The following NDUFAF2 variants were observed in gnomAD, a reference collection of about 807,000 sequenced individuals.
NDUFAF2 encodes NADH dehydrogenase [ubiquinone] 1 alpha subcomplex assembly factor 2.
Under a neutral mutation model 22.8 loss-of-function variants are expected in NDUFAF2, and 13 were observed. The ratio of observed to expected loss-of-function variants is 0.57; its 90% CI spans 0.37 to 0.91. The LOEUF (loss-of-function observed/expected upper bound fraction) is 0.91, where lower values mean the gene tolerates loss of function less well. NDUFAF2 is among the 40% of genes least tolerant of loss of function. NDUFAF2 has a pLI of 0.01. For missense variants in NDUFAF2, 162 were observed against 195.2 expected, an observed-to-expected ratio of 0.83 and a Z score of 1.01; for synonymous variants, 53 against 64.2, an observed-to-expected ratio of 0.83 and a Z score of 0.84.
rs1751931304 is a variant in NDUFAF2 at position 61,045,066 on chromosome 5, G to GTAATAAAATAAAATAAAA, written c.128-28058_128-28057insAATAAAATAAAATAAAAT. Reference sequence around the variant, plus strand: ...TAACATTTTAATAAAGTAAAATAAAGTTTTATTAAAATTTAATAAAATAAA... The same window carrying GTAATAAAATAAAATAAAA: ...TAACATTTTAATAAAGTAAAATAAAGTAATAAAATAAAATAAAATTTTATTAAAATTTAATAAAATAAA... On this transcript the variant is annotated intron_variant, in intron 1 of 3. Transcript: ENST00000296597. Among the ~76,000 whole-genome samples the GTAATAAAATAAAATAAAA allele has an allele frequency of 2.3e-5, 3 of 130,710 alleles. 1 individual carries two copies. The South Asian group carries it at 7.6e-4, about 33-fold the overall frequency. The allele number at this position is 130,710 out of a possible 152,430, so 85.8% of individuals were successfully genotyped here.
chr5:61,148,421 C>A (rs113019391), intron 3 of NDUFAF2, among the ~76,000 whole-genome samples: 120 of 152,266 alleles, frequency 7.9e-4, no homozygotes, highest in African/African-American at 2.7e-3. Flanking sequence ...TAGTAGATTA[C>A]CTCTTACTAA....
At chr5:61,038,115 A>G (rs1237720521) in intron 1 of NDUFAF2, among the ~76,000 whole-genome samples, 1 of 145,120 alleles carries the variant, frequency 6.9e-6, no homozygotes, top group Non-Finnish European at 1.5e-5. Flanking sequence ...AGAGAGAGAG[A>G]GGGAGAGAGA....
intron 1 of NDUFAF2, among the ~76,000 whole-genome samples, chr5:60,971,876 G>T (rs2112573308): frequency 6.6e-6 from 1 of 151,234 alleles, no homozygotes; most frequent in East Asian, 2.0e-4. Context: ...TGGACATTTG[G>T]CACAACCTCT....
intron 1 of NDUFAF2, among the ~76,000 whole-genome samples, chr5:61,049,634 T>G (rs933279454): frequency 1.3e-5 from 2 of 152,108 alleles, no homozygotes; most frequent in African/African-American, 4.8e-5. Flanking sequence ...GCTTTATGTG[T>G]TTATGAATTG....
At chr5:61,111,580 G>A (rs190095945) in intron 3 of NDUFAF2, among the ~76,000 whole-genome samples, 244 of 151,966 alleles carry the variant, frequency 1.6e-3, no homozygotes, top group Middle Eastern at 3.4e-3. Flanking sequence ...GGGACCACAG[G>A]TGCTCGCCAC....
At chr5:60,980,463 A>G (rs2694530) in intron 1 of NDUFAF2, among the ~76,000 whole-genome samples, 96,636 of 151,990 alleles carry the variant, frequency 0.64, 31,159 homozygotes, top group East Asian at 0.94. Flanking sequence ...TTAACAAAGA[A>G]ATACAAATAA....
At chr5:60,981,398 T>C (rs993817577) in intron 1 of NDUFAF2, among the ~76,000 whole-genome samples, 1 of 152,174 alleles carries the variant, frequency 6.6e-6, no homozygotes, top group Non-Finnish European at 1.5e-5. Flanking sequence ...AGGGACTTCA[T>C]TGATCTCAGA....
intron 2 of NDUFAF2, among the ~76,000 whole-genome samples, chr5:61,076,915 G>A (rs1365081487): frequency 6.6e-6 from 1 of 152,222 alleles, no homozygotes; most frequent in Non-Finnish European, 1.5e-5. Flanking sequence ...CATATTGGAT[G>A]TGGAGCATGA....
chr5:61,028,260 C>T (rs1422682847), intron 1 of NDUFAF2, among the ~76,000 whole-genome samples: 1 of 151,990 alleles, frequency 6.6e-6, no homozygotes, highest in Non-Finnish European at 1.5e-5. Context: ...ACATCCCCCC[C>T]ACCACAATTT....
At chr5:61,090,828 C>T (rs1752557574) in intron 2 of NDUFAF2, among the ~76,000 whole-genome samples, 1 of 152,034 alleles carries the variant, frequency 6.6e-6, no homozygotes, top group African/African-American at 2.4e-5. Flanking sequence ...TCCTGATCCT[C>T]TCCCTCCTCC....
chr5:61,079,911 A>G (rs1194317635), intron 2 of NDUFAF2, among the ~76,000 whole-genome samples: 1 of 152,214 alleles, frequency 6.6e-6, no homozygotes, highest in Non-Finnish European at 1.5e-5. Flanking sequence ...TCAAAGTAGT[A>G]AACTGGGGCG....
At chr5:61,084,923 A>G (rs139470957) in intron 2 of NDUFAF2, among the ~76,000 whole-genome samples, 6 of 152,288 alleles carry the variant, frequency 3.9e-5, no homozygotes, top group African/African-American at 1.2e-4. Context: ...ACATGACCCA[A>G]TTGACATAGG....
intron 1 of NDUFAF2, among the ~76,000 whole-genome samples, chr5:61,033,182 A>C (rs911603338): frequency 6.6e-6 from 1 of 152,134 alleles, no homozygotes; most frequent in Non-Finnish European, 1.5e-5. Flanking sequence ...ATGGGAGTTC[A>C]CTCATGATTT....
At chr5:61,008,262 C>T (rs149610903) in intron 1 of NDUFAF2, among the ~76,000 whole-genome samples, 3,077 of 151,988 alleles carry the variant, frequency 0.02, 122 homozygotes, top group African/African-American at 0.07. Flanking sequence ...TGTAACTAAC[C>T]TGCACATTGT....
intron 1 of NDUFAF2, among the ~76,000 whole-genome samples, chr5:60,947,609 T>C (rs1257909176): frequency 6.6e-6 from 1 of 151,714 alleles, no homozygotes; most frequent in Non-Finnish European, 1.5e-5. Flanking sequence ...CTACTAAAAA[T>C]ACAAAAATTA....
chr5:60,945,569 G>A (rs1750428447), intron 1 of NDUFAF2, 187 bp downstream of exon 1: 12 of 900,060 alleles, frequency 1.3e-5, no homozygotes, highest in Non-Finnish European at 1.7e-5. Flanking sequence ...ACCCGGCCCG[G>A]CTCTGGGCGC....
chr5:61,122,738 A>T (rs1752991308), intron 3 of NDUFAF2, among the ~76,000 whole-genome samples: 1 of 152,310 alleles, frequency 6.6e-6, no homozygotes, highest in South Asian at 2.1e-4. Flanking sequence ...ATTTCAGTGG[A>T]AAAAGAGACA....
intron 3 of NDUFAF2, among the ~76,000 whole-genome samples, chr5:61,107,142 T>C (rs1025472022): frequency 6.7e-6 from 1 of 150,254 alleles, no homozygotes. Context: ...CCATTTTTAG[T>C]TTTTTCAGGA....
At chr5:61,147,266 T>C (rs1256084990) in intron 3 of NDUFAF2, among the ~76,000 whole-genome samples, 3 of 151,784 alleles carry the variant, frequency 2.0e-5, no homozygotes, top group Middle Eastern at 3.2e-3. Context: ...CTTTTTTTTT[T>C]GAGACAGGGT....
Sources: gnomAD v4.1 joint callset for allele counts (sites outside exome capture counted in the v4.1 genomes callset) on GRCh38, gnomAD v4.1.1 for gene constraint, MANE v1.5 for transcripts, NCBI Gene and HGNC (gene_info 2026-07-23, HGNC 2026-07-21) for gene names.